The following CUL4A variants were observed in gnomAD, a reference collection of about 807,000 sequenced individuals.
The protein encoded by CUL4A is cullin-4A.
A neutral mutation model predicts 95.5 loss-of-function variants in CUL4A; 16 were observed. The ratio of observed to expected loss-of-function variants is 0.17; its 90% CI spans 0.11 to 0.25. The LOEUF (loss-of-function observed/expected upper bound fraction) is 0.25, where lower values mean the gene tolerates loss of function less well. Among genes scored for constraint, CUL4A ranks in the 10% least tolerant of loss-of-function variants. The pLI is 1.00. For synonymous variants in CUL4A, 380 were observed against 353.1 expected, an observed-to-expected ratio of 1.08 and a Z score of -0.85; for missense variants, 610 against 937.0, an observed-to-expected ratio of 0.65 and a Z score of 4.56.
At chr13:113,262,414 G>C (rs2139316291) in intron 19 of CUL4A, among the ~76,000 whole-genome samples, 1 of 152,328 alleles carries the variant, frequency 6.6e-6, no homozygotes, top group Admixed American at 6.5e-5. Context: ...CACTTTGGGA[G>C]CTGAGGCAGG....
At chr13:113,215,032 G>A (rs547179846) in intron 2 of CUL4A, among the ~76,000 whole-genome samples, 13 of 150,556 alleles carry the variant, frequency 8.6e-5, no homozygotes, top group Admixed American at 5.9e-4. Flanking sequence ...GTCCTTTGTG[G>A]CTGTGGACGT....
At chr13:113,259,984 T>A (rs939551651) in intron 18 of CUL4A, among the ~76,000 whole-genome samples, 1 of 150,736 alleles carries the variant, frequency 6.6e-6, no homozygotes, top group Non-Finnish European at 1.5e-5. Context: ...GCCAGGTGGA[T>A]CACGAGGTCA....
intron 8 of CUL4A, 123 bp downstream of exon 8, chr13:113,235,268 T>A (rs2041502399): frequency 1.6e-6 from 1 of 628,118 alleles, no homozygotes. Flanking sequence ...TTTTTGCACC[T>A]AGCATATTTT....
intron 2 of CUL4A, among the ~76,000 whole-genome samples, chr13:113,214,189 A>T (rs966237871): frequency 6.6e-6 from 1 of 152,164 alleles, no homozygotes; most frequent in African/African-American, 2.4e-5. Flanking sequence ...GAGTCCTGTC[A>T]CTTACACTTT....
chr13:113,258,294 G>C (rs960288968), intron 18 of CUL4A, among the ~76,000 whole-genome samples: 3 of 152,030 alleles, frequency 2.0e-5, no homozygotes, highest in African/African-American at 7.2e-5. Flanking sequence ...CCCGGCACCA[G>C]GTTCTTTTAA....
chr13:113,253,205 CTGTT>C lies in CUL4A; in HGVS notation c.1752+12_1752+15del. On this transcript the variant is annotated intron_variant, in intron 16 of 19. Coordinates refer to ENST00000375440, the MANE Select transcript of CUL4A (RefSeq NM_001008895.4). ...AGCGGAGTTTAAAGAAGTAAGTTGT[CTGTT>C]TCATTTATTTTTTATTATTTGTAAA... The C allele has an allele frequency of 7.1e-7, 1 of 1,416,426 alleles. No individual in the cohort carries two copies. Among genetic ancestry groups the C allele is most frequent in the Non-Finnish European group, 9.6e-7 (1 of 1,037,718 alleles). The allele number at this position is 1,416,426 out of a possible 1,614,324, so 87.7% of individuals were successfully genotyped here.
At chr13:113,239,676 A>G (rs1392985127) in intron 10 of CUL4A, 125 bp downstream of exon 10, 19 of 646,412 alleles carry the variant, frequency 2.9e-5, no homozygotes, top group Non-Finnish European at 4.0e-5. Context: ...CTGCATTTTC[A>G]TCACAGATGA....
upstream of CUL4A, chr13:113,208,808 G>A (rs1316456453): frequency 7.1e-7 from 1 of 1,412,670 alleles, no homozygotes; most frequent in Non-Finnish European, 9.2e-7. Flanking sequence ...CGGGCTGAGG[G>A]GGCCCGGGGT....
intron 3 of CUL4A, among the ~76,000 whole-genome samples, chr13:113,221,739 G>A (rs1193864087): frequency 1.3e-5 from 2 of 151,980 alleles, no homozygotes; most frequent in Admixed American, 6.6e-5. Context: ...CACCATGCTC[G>A]GCTAATTTTT....
At position 113,239,682 on chromosome 13, in the gene CUL4A, G is replaced by C. The variant is rs533906521; in HGVS notation, c.1035+131G>C. ...AGGGCCCGTCTGCATTTTCATCACAGATGATAGGGTGGACAGTAGGCTTCC... is the reference window on the plus strand; with the variant it reads ...AGGGCCCGTCTGCATTTTCATCACACATGATAGGGTGGACAGTAGGCTTCC... On this transcript the variant is annotated intron_variant, in intron 10 of 19. Transcript: ENST00000375440. 4.7e-6 allele frequency: 3 copies of C among 635,596 alleles called. No homozygotes were observed. In the East Asian group the frequency reaches 8.5e-5, roughly 18 times the overall value. 39.4% of individuals were successfully genotyped at this position (635,596 alleles called of 1,614,324 possible).
chr13:113,217,984 C>T (rs527847773), intron 2 of CUL4A, among the ~76,000 whole-genome samples: 2 of 152,336 alleles, frequency 1.3e-5, no homozygotes, highest in Admixed American at 1.3e-4. Context: ...TGCCTGTAAT[C>T]CCAGCACTGT....
At chr13:113,208,635 G>C (rs141920233), upstream of CUL4A, 117 of 1,607,408 alleles carry the variant, frequency 7.3e-5, no homozygotes, top group Admixed American at 2.0e-4. Flanking sequence ...TGTGCGCCAT[G>C]GGAGCGCCGC....
intron 10 of CUL4A, among the ~76,000 whole-genome samples, chr13:113,242,290 A>G (rs937147824): frequency 2.0e-5 from 3 of 152,120 alleles, no homozygotes; most frequent in African/African-American, 7.2e-5. Context: ...AGTACAAACT[A>G]AAAAAGTGAG....
At chr13:113,243,703 A>G (rs1031720718) in intron 11 of CUL4A, among the ~76,000 whole-genome samples, 1 of 152,068 alleles carries the variant, frequency 6.6e-6, no homozygotes, top group Admixed American at 6.6e-5. Flanking sequence ...TCATTGTGCA[A>G]TTGTCTGCTT....
At chr13:113,229,236 C>T (rs562749805) in intron 4 of CUL4A, among the ~76,000 whole-genome samples, 1 of 152,158 alleles carries the variant, frequency 6.6e-6, no homozygotes, top group African/African-American at 2.4e-5. Context: ...CGTTAAAATT[C>T]CTACAGTCAG....
At chr13:113,254,894 C>T (rs1049236166) in intron 17 of CUL4A, 59 bp from the exon 18 acceptor site, 4 of 1,598,872 alleles carry the variant, frequency 2.5e-6, no homozygotes, top group Non-Finnish European at 3.4e-6. Context: ...GATTGGTTTA[C>T]TGTTGTTGAG....
intron 6 of CUL4A, among the ~76,000 whole-genome samples, chr13:113,233,545 C>T (rs533579962): frequency 6.6e-6 from 1 of 152,252 alleles, no homozygotes; most frequent in African/African-American, 2.4e-5. Flanking sequence ...AATATCACTA[C>T]ATAAAATGCA....
chr13:113,210,326 G>A (rs943203893), intron 2 of CUL4A, among the ~76,000 whole-genome samples: 5 of 152,244 alleles, frequency 3.3e-5, no homozygotes, highest in African/African-American at 4.8e-5. Context: ...TCCCATTACG[G>A]AAGAGAAGGA....
At chr13:113,209,841 C>T in intron 1 of CUL4A, 66 bp downstream of exon 1, 3 of 1,158,650 alleles carry the variant, frequency 2.6e-6, no homozygotes, top group Non-Finnish European at 3.2e-6. Context: ...CCCCGCCCGA[C>T]TTGGGGGGAA....
Sources: gnomAD v4.1 joint callset for allele counts (sites outside exome capture counted in the v4.1 genomes callset) on GRCh38, gnomAD v4.1.1 for gene constraint, MANE v1.5 for transcripts, NCBI Gene and HGNC (gene_info 2026-07-23, HGNC 2026-07-21) for gene names.